The following ERC1 variants were observed in gnomAD, a reference collection of about 807,000 sequenced individuals.
ERC1 encodes RAB6 interacting protein 2.
Under a neutral mutation model 132.0 loss-of-function variants are expected in ERC1, and 56 were observed. The ratio of observed to expected loss-of-function variants is 0.42; its 90% confidence interval spans 0.34 to 0.53. The LOEUF (loss-of-function observed/expected upper bound fraction) is 0.53, where lower values mean the gene tolerates loss of function less well. Among genes scored for constraint, ERC1 ranks in the 20% least tolerant of loss-of-function variants. The pLI, the probability that ERC1 is intolerant of heterozygous loss-of-function variation, is 0.03. For synonymous variants in ERC1, 478 were observed against 476.1 expected, an observed-to-expected ratio of 1.00 and a Z score of -0.05; for missense variants, 1,202 against 1,349.9, an observed-to-expected ratio of 0.89 and a Z score of 1.72.
chr12:1,461,649 A>C (rs1020929474), intron 18 of ERC1, among the ~76,000 whole-genome samples: 1 of 152,172 alleles, frequency 6.6e-6, no homozygotes, highest in South Asian at 2.1e-4. Flanking sequence ...CCTGGGAGAC[A>C]AGAGCGAAAC....
intron 13 of ERC1, among the ~76,000 whole-genome samples, chr12:1,253,785 G>A (rs1254003136): frequency 6.6e-6 from 1 of 152,176 alleles, no homozygotes; most frequent in African/African-American, 2.4e-5. Flanking sequence ...TGTATTGGGA[G>A]TGGTATCATG....
intron 12 of ERC1, among the ~76,000 whole-genome samples, chr12:1,192,462 A>G (rs769633857): frequency 2.0e-5 from 3 of 151,988 alleles, no homozygotes; most frequent in African/African-American, 7.3e-5. Context: ...ACTATTTCCT[A>G]TGCCTGTGTC....
chr12:1,187,347 T>C (rs1344304645), intron 11 of ERC1, among the ~76,000 whole-genome samples: 1 of 152,202 alleles, frequency 6.6e-6, no homozygotes, highest in Non-Finnish European at 1.5e-5. Context: ...AGGTTTATAG[T>C]ATCTTTGATT....
At chr12:1,041,103 AAAAT>A (rs1199674597) in intron 2 of ERC1, among the ~76,000 whole-genome samples, 10 of 152,338 alleles carry the variant, frequency 6.6e-5, no homozygotes, top group African/African-American at 2.4e-4. Context: ...ATTAGATACT[AAAAT>A]AAAAAAATAA....
chr12:1,361,806 G>C (rs1437201668), intron 15 of ERC1, among the ~76,000 whole-genome samples: 2 of 152,152 alleles, frequency 1.3e-5, no homozygotes, highest in East Asian at 3.8e-4. Flanking sequence ...CAACAGTATG[G>C]GATGAAACTA....
chr12:1,248,807 A>G lies in ERC1; in HGVS notation c.2487+11903A>G, dbSNP rs115028014. On this transcript the variant is annotated intron_variant, in intron 13 of 18. Transcript: ENST00000360905. Reference sequence around the variant, plus strand: ...AGAAACAGTAATGTTGCACGAGACAAACAAGCTTCTTTCTCTTAAGAAGCT... The same window carrying G: ...AGAAACAGTAATGTTGCACGAGACAGACAAGCTTCTTTCTCTTAAGAAGCT... Among the ~76,000 whole-genome samples, 807 of 152,314 alleles carry G rather than the reference A, an allele frequency of 5.3e-3. 8 individuals are homozygous for G. The highest frequency in any genetic ancestry group is 0.018 in the African/African-American group (760 of 41,572).
intron 18 of ERC1, among the ~76,000 whole-genome samples, chr12:1,458,583 G>A (rs2093587876): frequency 7.0e-6 from 1 of 142,786 alleles, no homozygotes; most frequent in African/African-American, 2.6e-5. Flanking sequence ...TGCCCAGGCT[G>A]AAGTGCAATG....
At chr12:1,283,721 T>G (rs1450530307) in intron 14 of ERC1, among the ~76,000 whole-genome samples, 11 of 152,228 alleles carry the variant, frequency 7.2e-5, no homozygotes, top group Admixed American at 4.6e-4. Context: ...AAGCAATCTT[T>G]AAGAAAATGA....
At position 1,416,874 on chromosome 12, in the gene ERC1, C is replaced by T. The variant is rs115634983; in HGVS notation, c.3024+8627C>T. 2.6e-3 allele frequency among the ~76,000 whole-genome samples: 391 copies of T among 152,214 alleles called. 5 individuals carry two copies. The highest frequency in any genetic ancestry group is 9.1e-3 in the African/African-American group (377 of 41,488). On this transcript the variant is annotated intron_variant, in intron 17 of 18. Transcript: ENST00000360905. ...TCAGTAGTTGCTCAGTTAATGTTAG[C>T]TATTAGCTGGCTTTAACCTGAAGGC... is the stretch of plus-strand genomic sequence containing the variant.
intron 13 of ERC1, among the ~76,000 whole-genome samples, chr12:1,250,573 A>T (rs1188489680): frequency 3.3e-5 from 5 of 152,092 alleles, no homozygotes; most frequent in Admixed American, 3.3e-4. Context: ...TTTAGTTATA[A>T]TTTTTTTGGA....
intron 18 of ERC1, among the ~76,000 whole-genome samples, chr12:1,466,496 A>G (rs1381050811): frequency 6.6e-6 from 1 of 152,156 alleles, no homozygotes; most frequent in Non-Finnish European, 1.5e-5. Flanking sequence ...CACAGACATT[A>G]TGGGTAAAAT....
intron 15 of ERC1, among the ~76,000 whole-genome samples, chr12:1,354,235 T>C (rs899356862): frequency 1.3e-5 from 2 of 152,082 alleles, no homozygotes; most frequent in African/African-American, 4.8e-5. Context: ...TTAAATTACT[T>C]AGTTAAGGCC....
At chr12:1,289,196 T>C (rs2079256910) in intron 14 of ERC1, among the ~76,000 whole-genome samples, 1 of 146,850 alleles carries the variant, frequency 6.8e-6, no homozygotes, top group Non-Finnish European at 1.5e-5. Context: ...ATATATATAA[T>C]ATATATATAT....
intron 2 of ERC1, among the ~76,000 whole-genome samples, chr12:1,061,435 T>TAAAA (rs35881682): frequency 7.1e-6 from 1 of 141,042 alleles, no homozygotes. Context: ...GTCTCTACTA[T>TAAAA]AAAAAAAAAA....
chr12:1,444,393 T>C (rs61913156), intron 17 of ERC1, 169 bp from the exon 18 acceptor site: 636 of 540,076 alleles, frequency 1.2e-3, no homozygotes, highest in Admixed American at 2.8e-3. Context: ...TGTGACAGTA[T>C]GTGAAAATGT....
At chr12:1,032,562 C>T (rs925547844) in intron 2 of ERC1, among the ~76,000 whole-genome samples, 2 of 152,080 alleles carry the variant, frequency 1.3e-5, no homozygotes, top group Admixed American at 1.3e-4. Flanking sequence ...GTGGATGGGG[C>T]ATGTGTAGGG....
chr12:1,079,778 T>C lies in ERC1; in HGVS notation c.670-3386T>C, dbSNP rs201146583. ...AAAAGTCGATATACAGAGATACAGA[T>C]AGAAATGATTTGTAATATGACAAAA... is the stretch of plus-strand genomic sequence containing the variant. On this transcript the variant is annotated intron_variant, in intron 2 of 18. Transcript: ENST00000360905. 7.3e-5 allele frequency among the ~76,000 whole-genome samples: 10 copies of C among 137,096 alleles called. 1 individual carries two copies. Among genetic ancestry groups the C allele is most frequent in the East Asian group, 2.1e-4 (1 of 4,878 alleles). The allele number at this position is 137,096 out of a possible 152,430, so 89.9% of individuals were successfully genotyped here.
chr12:1,072,078 G>GTACACTC (rs1940480554), intron 2 of ERC1, among the ~76,000 whole-genome samples: 1 of 149,706 alleles, frequency 6.7e-6, no homozygotes, highest in Admixed American at 6.7e-5. Flanking sequence ...TCCAGCCTGG[G>GTACACTC]CAGCAGAGCA....
At chr12:1,159,573 C>T (rs1437315786) in intron 8 of ERC1, among the ~76,000 whole-genome samples, 1 of 152,176 alleles carries the variant, frequency 6.6e-6, no homozygotes, top group Non-Finnish European at 1.5e-5. Context: ...GTGAATAAGT[C>T]AGATCTTTTT....
Sources: allele counts gnomAD v4.1 joint callset (sites outside exome capture counted in the v4.1 genomes callset), GRCh38; gene constraint gnomAD v4.1.1; transcripts MANE v1.5; gene names NCBI Gene and HGNC (gene_info 2026-07-23, HGNC 2026-07-21).